The following ATXN1 variants were observed in gnomAD, a reference collection of about 807,000 sequenced individuals.
ATXN1 encodes ataxin 1.
In ATXN1, 8 loss-of-function variants were observed where a neutral mutation model predicts 56.4. The ratio of observed to expected loss-of-function variants is 0.14; its 90% CI spans 0.08 to 0.26. The LOEUF is 0.26. ATXN1 is among the 10% of genes least tolerant of loss of function. The probability of loss-of-function intolerance (pLI) is 1.00; values close to 1 mark genes in which losing one functional copy is unlikely to be tolerated. For missense variants in ATXN1, 987 were observed against 1,106.5 expected, an observed-to-expected ratio of 0.89 and a Z score of 1.53; for synonymous variants, 514 against 494.6, an observed-to-expected ratio of 1.04 and a Z score of -0.52.
chr6:16,710,708 C>A (rs1361009742), intron 2 of ATXN1, among the ~76,000 whole-genome samples: 1 of 152,094 alleles, frequency 6.6e-6, no homozygotes, highest in Non-Finnish European at 1.5e-5. Flanking sequence ...CCACCTCAGC[C>A]TCACCAGTAG....
chr6:16,601,686 T>TA (rs1319956119), intron 3 of ATXN1, among the ~76,000 whole-genome samples: 1 of 152,034 alleles, frequency 6.6e-6, no homozygotes, highest in African/African-American at 2.4e-5. Flanking sequence ...CCATCTCTAC[T>TA]AAAAAATACA....
At chr6:16,629,704 T>A (rs1763471231) in intron 3 of ATXN1, among the ~76,000 whole-genome samples, 1 of 151,924 alleles carries the variant, frequency 6.6e-6, no homozygotes, top group African/African-American at 2.4e-5. Flanking sequence ...TCCCCTGAGG[T>A]CAGGAGTTCG....
chr6:16,321,361 C>G (rs1340337074), intron 7 of ATXN1, among the ~76,000 whole-genome samples: 2 of 152,204 alleles, frequency 1.3e-5, no homozygotes, highest in Non-Finnish European at 2.9e-5. Flanking sequence ...CTTTGGGACT[C>G]TCAACCAGAA....
At chr6:16,317,367 AAGGCTAGAGTGTAG>A (rs1471615654) in intron 7 of ATXN1, among the ~76,000 whole-genome samples, 1 of 151,050 alleles carries the variant, frequency 6.6e-6, no homozygotes, top group African/African-American at 2.5e-5. Flanking sequence ...CTCTGTCGCC[AAGGCTAGAGTGTAG>A]TGGTGCCATC....
intron 2 of ATXN1, among the ~76,000 whole-genome samples, chr6:16,712,525 G>A (rs148404083): frequency 3.3e-5 from 5 of 152,266 alleles, no homozygotes; most frequent in African/African-American, 9.6e-5. Context: ...AACGCAAGAA[G>A]TAGAAAGTAA....
At chr6:16,500,618 G>A (rs1350762968) in intron 5 of ATXN1, among the ~76,000 whole-genome samples, 1 of 151,654 alleles carries the variant, frequency 6.6e-6, no homozygotes, top group Non-Finnish European at 1.5e-5. Flanking sequence ...GGGTATATCT[G>A]AATTGAGAAA....
At chr6:16,439,085 A>G (rs1371641666) in intron 6 of ATXN1, among the ~76,000 whole-genome samples, 1 of 152,064 alleles carries the variant, frequency 6.6e-6, no homozygotes, top group Non-Finnish European at 1.5e-5. Flanking sequence ...TGCACAGGAA[A>G]CAAGGCCCTT....
In ATXN1 at chr6:16,328,667, T is replaced by C. The variant is rs1037634995; in HGVS notation, c.-160-197A>G. Among the ~76,000 whole-genome samples, 8 of 151,910 alleles carry C rather than the reference T, an allele frequency of 5.3e-5. No homozygotes were observed. Among genetic ancestry groups the C allele is most frequent in the Admixed American group, 3.3e-4 (5 of 15,244 alleles). ...AGCAGAGAAAACACTAGCCAACACT[T>C]TGGGAGGCCGAGGCAGGCAGATCAC... On this transcript the variant is annotated intron_variant, in intron 6 of 7. Transcript: ENST00000436367. This position sits in a 1 kb window ranked among gnomAD's most constrained non-coding sequence, Gnocchi z 6.2.
chr6:16,394,282 T>C (rs1581733259), intron 6 of ATXN1, among the ~76,000 whole-genome samples: 1 of 152,196 alleles, frequency 6.6e-6, no homozygotes, highest in Non-Finnish European at 1.5e-5. Context: ...TGAGCTAAAA[T>C]TTCAATCTTT....
intron 3 of ATXN1, among the ~76,000 whole-genome samples, chr6:16,596,916 G>A (rs1016109563): frequency 3.3e-5 from 5 of 152,168 alleles, no homozygotes; most frequent in African/African-American, 9.7e-5. Flanking sequence ...ACACACCCAC[G>A]AATTTCATCT....
At chr6:16,537,948 CA>C (rs1402104662) in intron 4 of ATXN1, among the ~76,000 whole-genome samples, 4 of 152,094 alleles carry the variant, frequency 2.6e-5, no homozygotes, top group Middle Eastern at 3.4e-3. Flanking sequence ...ACTAAAAATA[CA>C]AAAATTAGCC....
chr6:16,558,194 T>C (rs1308802179), intron 4 of ATXN1, among the ~76,000 whole-genome samples: 2 of 151,776 alleles, frequency 1.3e-5, no homozygotes, highest in African/African-American at 2.4e-5. Flanking sequence ...CCTAGCACTT[T>C]AGAAGGCTAA....
intron 2 of ATXN1, among the ~76,000 whole-genome samples, chr6:16,725,785 A>AG (rs749470287): frequency 1.3e-5 from 2 of 152,230 alleles, no homozygotes; most frequent in Non-Finnish European, 2.9e-5. Context: ...TTAAAGGAAG[A>AG]GAAAAAAAGC....
In ATXN1 at chr6:16,410,277, AT is replaced by A. The variant is rs1337201952; in HGVS notation, c.-161+75694del. ...TTAATTGACATCTCTTTCTGAAGGA[AT>A]TTACAATCCAGTTGATGATGTAAGA... is the stretch of plus-strand genomic sequence containing the variant. On this transcript the variant is annotated intron_variant, in intron 6 of 7. Coordinates refer to ENST00000436367, the MANE Select transcript of ATXN1 (RefSeq NM_001128164.2). This position sits in a 1 kb window ranked among gnomAD's most constrained non-coding sequence, Gnocchi z 4.6. 6.6e-6 allele frequency among the ~76,000 whole-genome samples: 1 copy of A among 152,182 alleles called. No homozygotes were observed. Among genetic ancestry groups the A allele is most frequent in the African/African-American group, 2.4e-5 (1 of 41,432 alleles).
intron 6 of ATXN1, among the ~76,000 whole-genome samples, chr6:16,339,311 G>C (rs1282334752): frequency 1.3e-5 from 2 of 152,190 alleles, no homozygotes; most frequent in African/African-American, 2.4e-5. Flanking sequence ...AAAAGGTCTC[G>C]TGGGAACTGA....
At chr6:16,677,128 T>A (rs1356311999) in intron 2 of ATXN1, among the ~76,000 whole-genome samples, 1 of 151,208 alleles carries the variant, frequency 6.6e-6, no homozygotes, top group African/African-American at 2.5e-5. Context: ...CTTAAAGATT[T>A]CCAACCTGAG....
chr6:16,610,369 T>C (rs1763082375), intron 3 of ATXN1, among the ~76,000 whole-genome samples: 1 of 151,904 alleles, frequency 6.6e-6, no homozygotes, highest in Non-Finnish European at 1.5e-5. Flanking sequence ...CTTCCATCTA[T>C]TTATTTACCT....
chr6:16,549,844 C>A (rs911012213), intron 4 of ATXN1, among the ~76,000 whole-genome samples: 1 of 139,166 alleles, frequency 7.2e-6, no homozygotes, highest in Non-Finnish European at 1.5e-5. Context: ...TGTGGTGAGC[C>A]GAGATCGCAC....
At chr6:16,658,417 A>G (rs926985101) in intron 2 of ATXN1, among the ~76,000 whole-genome samples, 2 of 151,056 alleles carry the variant, frequency 1.3e-5, no homozygotes, top group Admixed American at 6.6e-5. Flanking sequence ...ATTTTGCCCT[A>G]TAAGTAGGTA....
Sources: allele counts gnomAD v4.1 joint callset (sites outside exome capture counted in the v4.1 genomes callset), GRCh38; gene constraint gnomAD v4.1.1; non-coding constraint Gnocchi (gnomAD v3.1); transcripts MANE v1.5; gene names NCBI Gene and HGNC (gene_info 2026-07-23, HGNC 2026-07-21).